The following GRAMD2B variants were observed in gnomAD, a reference collection of about 807,000 sequenced individuals.
GRAMD2B encodes the protein GRAM domain-containing protein 2B.
Under a neutral mutation model 59.2 loss-of-function variants are expected in GRAMD2B, and 41 were observed. The ratio of observed to expected loss-of-function variants is 0.69; its 90% CI spans 0.54 to 0.90. The LOEUF (loss-of-function observed/expected upper bound fraction) is 0.90, where lower values mean the gene tolerates loss of function less well. GRAMD2B is among the 40% of genes least tolerant of loss of function. The pLI is 0.00. For missense variants in GRAMD2B, 424 were observed against 500.5 expected (o/e 0.85, Z 1.46); for synonymous variants, 161 against 182.7 (o/e 0.88, Z 0.96).
At chr5:126,465,267 A>G (rs753178636) in intron 1 of GRAMD2B, 159 bp from the exon 2 acceptor site, 8 of 1,471,944 alleles carry the variant, frequency 5.4e-6, no homozygotes, top group Non-Finnish European at 7.2e-6. Flanking sequence ...AAGGGGTTAG[A>G]ATGGAGATTG....
At chr5:126,405,297 T>C (rs1758176630) in intron 1 of GRAMD2B, among the ~76,000 whole-genome samples, 1 of 151,896 alleles carries the variant, frequency 6.6e-6, no homozygotes, top group Non-Finnish European at 1.5e-5. Flanking sequence ...TTGGCTCTTT[T>C]AAGTACTTCT....
intron 1 of GRAMD2B, among the ~76,000 whole-genome samples, chr5:126,448,063 G>A (rs57629832): frequency 2.6e-4 from 39 of 151,520 alleles, no homozygotes; most frequent in African/African-American, 9.0e-4. Context: ...GTTTCACTGA[G>A]CAGGCTGGTC....
chr5:126,404,045 G>T (rs1413900802), intron 1 of GRAMD2B, among the ~76,000 whole-genome samples: 3 of 151,866 alleles, frequency 2.0e-5, no homozygotes, highest in African/African-American at 7.3e-5. Context: ...TTTTTAGAAG[G>T]TTTGTCACAA....
chr5:126,472,750 C>A (rs73785316), intron 4 of GRAMD2B, among the ~76,000 whole-genome samples: 203 of 152,240 alleles, frequency 1.3e-3, no homozygotes, highest in African/African-American at 4.6e-3. Context: ...GTTAAGCACG[C>A]CTACTAGACT....
At chr5:126,480,790 G>C (rs892479487) in intron 8 of GRAMD2B, 83 bp downstream of exon 8, 47 of 1,293,694 alleles carry the variant, frequency 3.6e-5, no homozygotes, top group Non-Finnish European at 5.0e-5. Context: ...CATGACCAGG[G>C]TGTGGGAAGA....
exon 1 of GRAMD2B, chr5:126,360,426 G>A (rs79988174): frequency 1.3e-6 from 2 of 1,551,314 alleles, no homozygotes; most frequent in Non-Finnish European, 1.7e-6. Flanking sequence ...TTCCACGGGA[G>A]AGAAGTGAAG....
At chr5:126,454,053 G>A (rs903564415) in intron 1 of GRAMD2B, among the ~76,000 whole-genome samples, 2 of 152,238 alleles carry the variant, frequency 1.3e-5, no homozygotes, top group African/African-American at 4.8e-5. Flanking sequence ...GTTCCTGTGT[G>A]TAGAGAGGAG....
chr5:126,422,327 G>A (rs1759817433), upstream of GRAMD2B, among the ~76,000 whole-genome samples: 1 of 151,694 alleles, frequency 6.6e-6, no homozygotes. Context: ...CTCCCAAATA[G>A]CTGGGATTAC....
intron 1 of GRAMD2B, among the ~76,000 whole-genome samples, chr5:126,398,643 G>C (rs1757571024): frequency 6.6e-6 from 1 of 151,766 alleles, no homozygotes; most frequent in African/African-American, 2.4e-5. Context: ...CTAACTTTGG[G>C]CTTAATTAGT....
chr5:126,432,683 A>G (rs750366697), intron 1 of GRAMD2B, among the ~76,000 whole-genome samples: 1 of 152,172 alleles, frequency 6.6e-6, no homozygotes, highest in Non-Finnish European at 1.5e-5. Flanking sequence ...TTTATTGTTA[A>G]GAATATATTT....
At chr5:126,383,432 T>C (rs1755830659) in intron 1 of GRAMD2B, among the ~76,000 whole-genome samples, 1 of 152,198 alleles carries the variant, frequency 6.6e-6, no homozygotes, top group African/African-American at 2.4e-5. Context: ...ACATAAGTGA[T>C]GAATGAGTGC....
chr5:126,477,709 C>T lies in GRAMD2B; in HGVS notation c.504C>T (p.Phe168=), dbSNP rs1770889154. The T allele has an allele frequency of 6.2e-7, 1 of 1,605,448 alleles. No individual in the cohort carries two copies. The highest frequency in any genetic ancestry group is 8.5e-7 in the Non-Finnish European group (1 of 1,172,174). ...TGTTTCAGATCTCTATTCCAGCTTT[C>T]TCGGTAACCCTAATAAAGAAAACCA... ...GKDTKISIPA[F]SVTLIKKTKT... The change falls in exon 6 of 14, where the codon TTC becomes TTT. Residue 168 remains phenylalanine, a synonymous_variant. Coordinates refer to ENST00000285689, the MANE Select transcript of GRAMD2B (RefSeq NM_023927.4).
At position 126,376,030 on chromosome 5, in the gene GRAMD2B, A is replaced by G. The variant is rs868603306; in HGVS notation, c.125+4463A>G. 4.6e-5 allele frequency among the ~76,000 whole-genome samples: 7 copies of G among 152,368 alleles called. No homozygotes were observed. The South Asian group carries it at 1.2e-3, about 27-fold the overall frequency. ...AAAAACATGAATTGCTGTAACGTCT[A>G]TAGGTAGTTGACTGGGAAAGGCTTT... On this transcript the variant is annotated intron_variant, in intron 1 of 8. Coordinates refer to the GRAMD2B transcript ENST00000506445.
intron 1 of GRAMD2B, among the ~76,000 whole-genome samples, chr5:126,408,585 G>T (rs529143040): frequency 6.6e-6 from 1 of 151,136 alleles, no homozygotes; most frequent in African/African-American, 2.4e-5. Context: ...CCTTGAATGT[G>T]GCCTGATTTG....
intron 10 of GRAMD2B, among the ~76,000 whole-genome samples, chr5:126,485,218 G>A (rs897442002): frequency 6.6e-6 from 1 of 151,998 alleles, no homozygotes; most frequent in African/African-American, 2.4e-5. Flanking sequence ...GCTGGGTGTG[G>A]TACATGTTTG....
At chr5:126,482,596 G>T (rs1248601907) in intron 8 of GRAMD2B, among the ~76,000 whole-genome samples, 1 of 152,206 alleles carries the variant, frequency 6.6e-6, no homozygotes, top group Non-Finnish European at 1.5e-5. Context: ...TATGAGATAG[G>T]CATTCAAGAA....
At chr5:126,456,070 T>C (rs2126715214) in intron 1 of GRAMD2B, among the ~76,000 whole-genome samples, 1 of 152,374 alleles carries the variant, frequency 6.6e-6, no homozygotes, top group East Asian at 1.9e-4. Flanking sequence ...TTATCCACTC[T>C]GTATCTCACA....
At chr5:126,428,179 T>C (rs1760938867) in intron 1 of GRAMD2B, among the ~76,000 whole-genome samples, 2 of 152,116 alleles carry the variant, frequency 1.3e-5, no homozygotes, top group African/African-American at 4.8e-5. Context: ...GCCAAGATCA[T>C]GGATCATGCC....
At chr5:126,368,166 A>T (rs1481146370), upstream of GRAMD2B, among the ~76,000 whole-genome samples, 3 of 152,092 alleles carry the variant, frequency 2.0e-5, no homozygotes, top group Non-Finnish European at 4.4e-5. Context: ...GCCACTGTGC[A>T]TGTTCCTTTT....
Sources: allele counts gnomAD v4.1 joint callset (sites outside exome capture counted in the v4.1 genomes callset), GRCh38; gene constraint gnomAD v4.1.1; transcripts MANE v1.5; gene names NCBI Gene and HGNC (gene_info 2026-07-23, HGNC 2026-07-21).